Variants in ZP2 observed in about 807,000 individuals in gnomAD.
ZP2 encodes the protein zona pellucida glycoprotein 2.
A neutral mutation model predicts 84.0 loss-of-function variants in ZP2; 51 were observed. The observed-to-expected ratio is 0.61, with a 90% CI of 0.49 to 0.77. The LOEUF (loss-of-function observed/expected upper bound fraction) is 0.77, where lower values mean the gene tolerates loss of function less well. ZP2 is among the 30% of genes least tolerant of loss of function. The pLI, the probability that ZP2 is intolerant of heterozygous loss-of-function variation, is 0.00. For synonymous variants in ZP2, 375 were observed against 330.9 expected (o/e 1.13, Z -1.45); for missense variants, 909 against 911.9 (o/e 1.00, Z 0.04).
rs112215744 is a variant in ZP2 at position 21,210,226 on chromosome 16, G to A, written c.152-34C>T. ...CAAAGGAAGCATTTGGGGGCTTTGA[G>A]TCATGAGTGATGCAACTCCTACAAA... is the stretch of plus-strand genomic sequence containing the variant. On this transcript the variant is annotated intron_variant, in intron 2 of 18. Transcript: ENST00000574091. 30 of 1,553,774 alleles carry A rather than the reference G, an allele frequency of 1.9e-5. No homozygotes were observed. The African/African-American group carries it at 2.9e-4, about 15-fold the overall frequency.
At position 21,204,012 on chromosome 16, in the gene ZP2, G is replaced by A. The variant is rs756082923; in HGVS notation, c.972+18C>T. The A allele has an allele frequency of 1.9e-6, 3 of 1,610,342 alleles. No individual in the cohort carries two copies. The highest frequency in any genetic ancestry group is 1.7e-5 in the Admixed American group (1 of 60,006). On this transcript the variant is annotated intron_variant, in intron 9 of 18. Transcript: ENST00000574091. The stretch of plus-strand genomic sequence containing the variant: ...AGTCAGGACCCGGTGGAGTTCAGTG[G>A]TTGACAATTGAACATACTTTCGTTT...
Position 21,205,489 on chromosome 16 carries a change from G to A in ZP2, c.624C>T (p.Ser208=). ...TLPEAMKEGF[S]LLIDNHRMTF... ...TCATCCTGTGGTTGTCAATCAAGAG[G>A]CTGAAGCCTTCCTTCATGGCCTCTG... is the stretch of plus-strand genomic sequence containing the variant. Residue 208 remains serine, a synonymous_variant, in exon 7 of 19, where the codon AGC becomes AGT. Transcript: ENST00000574091. The A allele has an allele frequency of 1.9e-6, 3 of 1,614,090 alleles. No homozygotes were observed. Among genetic ancestry groups the A allele is most frequent in the Non-Finnish European group, 2.5e-6 (3 of 1,179,996 alleles).
At position 21,198,092 on chromosome 16, in the gene ZP2, A is replaced by ATTTTT. The variant is rs34614859; in HGVS notation, c.2012-248_2012-244dup. ...ACTACTATACAAGAAATTCAAGAGG[A>ATTTTT]TTTTTTTTTTTTTTTTTTGTGGCCG... is the stretch of plus-strand genomic sequence containing the variant. On this transcript the variant is annotated intron_variant, in intron 17 of 18. Transcript: ENST00000574091. The ATTTTT allele has an allele frequency of 3.9e-5, 10 of 254,648 alleles. 1 individual carries two copies. Among genetic ancestry groups the ATTTTT allele is most frequent in the African/African-American group, 1.5e-4 (6 of 39,094 alleles). 15.8% of individuals were successfully genotyped at this position (254,648 alleles called of 1,614,324 possible).
Position 21,209,731 on chromosome 16 carries a change from A to G in ZP2, c.236-6T>C. Reference sequence around the variant, plus strand: ...CATGTCGAGACCAAGAGGATCTGCCAAGGCCAGAGCAGGTTAGACAGGATG... The same window carrying G: ...CATGTCGAGACCAAGAGGATCTGCCGAGGCCAGAGCAGGTTAGACAGGATG... On this transcript the variant is annotated splice_region_variant and splice_polypyrimidine_tract_variant and intron_variant, in intron 3 of 18. Coordinates refer to ENST00000574091, the MANE Select transcript of ZP2 (RefSeq NM_001376232.1). 6.2e-7 allele frequency: 1 copy of G among 1,614,048 alleles called. No individual in the cohort carries two copies. The highest frequency in any genetic ancestry group is 1.7e-5 in the Admixed American group (1 of 60,010).
chr16:21,198,026 G>C lies in ZP2; in HGVS notation c.2012-177C>G, dbSNP rs961863272. 11 of 593,248 alleles carry C rather than the reference G, an allele frequency of 1.9e-5. No homozygotes were observed. The African/African-American group carries it at 1.9e-4, about 10-fold the overall frequency. 36.7% of individuals were successfully genotyped at this position (593,248 alleles called of 1,614,324 possible). A position where few individuals can be genotyped will look rare whatever the true frequency, so the allele number is the denominator to read the frequency against. ...GGCCATAGCATGTTAAGATGCACAT[G>C]CTCTGACCTAATCTTGCTAGAAACA... On this transcript the variant is annotated intron_variant, in intron 17 of 18. Transcript: ENST00000574091.
In ZP2 at chr16:21,197,821, A is replaced by G. The variant is rs904992937; in HGVS notation, c.2040T>C (p.Ser680=). 1.2e-6 allele frequency: 2 copies of G among 1,613,986 alleles called. No homozygotes were observed. Among genetic ancestry groups the G allele is most frequent in the African/African-American group, 1.3e-5 (1 of 74,914 alleles). The change falls in exon 18 of 19, where the codon AGT becomes AGC. Residue 680 remains serine, a synonymous_variant. Coordinates refer to ENST00000574091, the MANE Select transcript of ZP2 (RefSeq NM_001376232.1). ...TCCTACTCTTCTCCCCACTGCTCCC[A>G]CTTGCTTTTAGATCAGATGAGCCGA... ...RGVGSSDLKA[S]GSSGEKSRSE...
chr16:21,203,999 G>A, intron 9 of ZP2, 31 bp downstream of exon 9: 3 of 1,607,144 alleles, frequency 1.9e-6, no homozygotes, highest in Non-Finnish European at 2.5e-6. Flanking sequence ...TCAGGACCCG[G>A]TGGAGTTCAG....
At position 21,206,847 on chromosome 16, in the gene ZP2, A is replaced by G. The variant is rs190651334; in HGVS notation, c.474T>C (p.Asp158=). 6.2e-7 allele frequency: 1 copy of G among 1,614,068 alleles called. No homozygotes were observed. The highest frequency in any genetic ancestry group is 1.7e-5 in the Admixed American group (1 of 59,996). Residue 158 remains aspartate (D), a synonymous_variant, in exon 5 of 19, where the codon GAT becomes GAC. Transcript: ENST00000574091. The stretch of plus-strand genomic sequence containing the variant: ...AGCCCGTTTCACTCACAGACATGAA[A>G]TCCTTCTGGCAGATTGTAGATGCTG... ...GLSASTICQK[D]FMSFSLPRVF... is the part of the protein sequence containing the mutation.
chr16:21,213,334 T>G (rs1329215035), upstream of ZP2, among the ~76,000 whole-genome samples: 1 of 152,238 alleles, frequency 6.6e-6, no homozygotes, highest in Non-Finnish European at 1.5e-5. Flanking sequence ...CGTGAGCCAC[T>G]GTGCCCGGCC....
chr16:21,197,788 T>G lies in ZP2; in HGVS notation c.2073A>C (p.Thr691=), dbSNP rs1347865430. The G allele has an allele frequency of 1.2e-6, 2 of 1,614,118 alleles. No homozygotes were observed. The highest frequency in any genetic ancestry group is 1.7e-6 in the Non-Finnish European group (2 of 1,179,958). ...TACCTCGTGAGCCAACCTCCTCCCC[T>G]GTTTCACTCCTACTCTTCTCCCCAC... The part of the protein sequence containing the change: ...GSSGEKSRSE[T]GEEVGSRGAM... The change falls in exon 18 of 19, where the codon ACA becomes ACC. Residue 691 remains threonine, a synonymous_variant. Transcript: ENST00000574091.
In ZP2 at chr16:21,198,764, G is replaced by A; in HGVS notation, c.2011+15C>T. On this transcript the variant is annotated intron_variant, in intron 17 of 18. Transcript: ENST00000574091. ...AACTTGAATCCAGGAAGTACTCCAGGCTTTAGGTCCATACCTCTGAATGAG... is the reference window on the plus strand; with the variant it reads ...AACTTGAATCCAGGAAGTACTCCAGACTTTAGGTCCATACCTCTGAATGAG... 1 of 1,612,224 alleles carries A rather than the reference G, an allele frequency of 6.2e-7. No individual in the cohort carries two copies. Among genetic ancestry groups the A allele is most frequent in the Non-Finnish European group, 8.5e-7 (1 of 1,178,526 alleles).
intron 5 of ZP2, among the ~76,000 whole-genome samples, chr16:21,206,398 T>C (rs1405357510): frequency 6.6e-6 from 1 of 152,250 alleles, no homozygotes; most frequent in Non-Finnish European, 1.5e-5. Context: ...GTTGCTTTTA[T>C]GTCAGTGTTA....
chr16:21,199,428 T>C, intron 16 of ZP2, 142 bp downstream of exon 16: 1 of 659,484 alleles, frequency 1.5e-6, no homozygotes, highest in Non-Finnish European at 2.5e-6. Context: ...TAAGGTAGAC[T>C]GGACCAAGTT....
At chr16:21,205,850 T>C in intron 5 of ZP2, 75 bp from the exon 6 acceptor site, 1 of 1,511,154 alleles carries the variant, frequency 6.6e-7, no homozygotes, top group Non-Finnish European at 9.1e-7. Flanking sequence ...GAAATTGCTG[T>C]GTGGTTGTCA....
chr16:21,210,305 C>G (rs74755848), intron 2 of ZP2, 113 bp from the exon 3 acceptor site: 7 of 799,972 alleles, frequency 8.8e-6, no homozygotes, highest in South Asian at 7.5e-5. Flanking sequence ...AGGCAAGAAT[C>G]GTCCCCTACC....
chr16:21,203,020 G>A, intron 10 of ZP2, 105 bp downstream of exon 10: 2 of 1,373,692 alleles, frequency 1.5e-6, no homozygotes, highest in South Asian at 2.9e-5. Flanking sequence ...AGTTTCTTCA[G>A]TCTATAAGCA....
chr16:21,197,535 G>A lies in ZP2; in HGVS notation c.2183C>T (p.Ala728Val), dbSNP rs369803855. 6.2e-7 allele frequency: 1 copy of A among 1,614,146 alleles called. No homozygotes were observed. Among genetic ancestry groups the A allele is most frequent in the Non-Finnish European group, 8.5e-7 (1 of 1,180,028 alleles). The change falls in exon 19 of 19, where the codon GCA (alanine) becomes GTA (valine). Residue 728 changes from alanine (A) to valine (V), a missense_variant. Physicochemically the swap from Ala to Val is moderately conservative, Grantham distance 64. Transcript: ENST00000574091. ...CAGGTAGTAGATGAAGCCTAGAGTT[G>A]CCACCACACCTGCAAAGGCAGCCAC... ...AAVAAFAGVV[A>V]TLGFIYYLYE...
Position 21,211,287 on chromosome 16 carries a change from C to G in ZP2, c.151+20G>C, listed in dbSNP as rs752419151. On this transcript the variant is annotated intron_variant, in intron 2 of 18. Coordinates refer to ENST00000574091, the MANE Select transcript of ZP2 (RefSeq NM_001376232.1). Reference sequence around the variant, plus strand: ...CCTGTTTTCTCTGCTAAGAAGACTTCTGTCACCCAAGAGACATACCTGGAA... The same window carrying G: ...CCTGTTTTCTCTGCTAAGAAGACTTGTGTCACCCAAGAGACATACCTGGAA... 6.2e-7 allele frequency: 1 copy of G among 1,609,868 alleles called. No homozygotes were observed. The highest frequency in any genetic ancestry group is 1.1e-5 in the South Asian group (1 of 90,856).
chr16:21,201,869 C>T lies in ZP2; in HGVS notation c.1380-39G>A, dbSNP rs1311030415. The T allele has an allele frequency of 6.2e-6, 10 of 1,612,782 alleles. No individual in the cohort carries two copies. The Middle Eastern group carries it at 5.0e-4, about 80-fold the overall frequency. On this transcript the variant is annotated intron_variant, in intron 12 of 18. Transcript: ENST00000574091. Reference sequence around the variant, plus strand: ...GAGGGAAGGTAGGTACAGAAAATTTCAGGTTAAAAAATTGCTTGAGTTTAA... The same window carrying T: ...GAGGGAAGGTAGGTACAGAAAATTTTAGGTTAAAAAATTGCTTGAGTTTAA...
Sources: allele counts gnomAD v4.1 joint callset (sites outside exome capture counted in the v4.1 genomes callset), GRCh38; gene constraint gnomAD v4.1.1; transcripts MANE v1.5; gene names NCBI Gene and HGNC (gene_info 2026-07-23, HGNC 2026-07-21).